The following TENM3 variants were observed in gnomAD, a reference collection of about 807,000 sequenced individuals.
TENM3 encodes teneurin-3.
A neutral mutation model predicts 255.1 loss-of-function variants in TENM3; 63 were observed. That is an observed-to-expected ratio of 0.25 (90% confidence interval 0.20 to 0.30). TENM3 has a LOEUF of 0.30. TENM3 is among the 10% of genes least tolerant of loss of function. TENM3 has a pLI of 1.00. For synonymous variants in TENM3, 1,306 were observed against 1,322.3 expected (o/e 0.99, Z 0.27); for missense variants, 2,929 against 3,461.1 (o/e 0.85, Z 3.86).
intron 16 of TENM3, among the ~76,000 whole-genome samples, chr4:182,733,266 C>G (rs1160647720): frequency 1.3e-5 from 2 of 152,158 alleles, no homozygotes; most frequent in Non-Finnish European, 2.9e-5. Context: ...GGACAGCAGG[C>G]ACAGCTGGAG....
At chr4:181,964,698 A>G in the TENM3 span, among the ~76,000 whole-genome samples, 1 of 152,172 alleles carries the variant, frequency 6.6e-6, no homozygotes, top group Non-Finnish European at 1.5e-5. Context: ...GCACTGCTGA[A>G]TATCATCAAC....
chr4:182,728,517 C>T (rs1294777081), intron 13 of TENM3, among the ~76,000 whole-genome samples: 2 of 152,182 alleles, frequency 1.3e-5, no homozygotes, highest in South Asian at 4.1e-4. Context: ...TTATGTGTCA[C>T]ATACTGATGG....
chr4:181,782,357 A>G, the TENM3 span, among the ~76,000 whole-genome samples: 3 of 152,082 alleles, frequency 2.0e-5, no homozygotes, highest in Non-Finnish European at 4.4e-5. Flanking sequence ...GGGAGGGTGT[A>G]TGTGTCCAGG....
chr4:182,428,761 A>T (rs886662923), intron 3 of TENM3, among the ~76,000 whole-genome samples: 1 of 152,182 alleles, frequency 6.6e-6, no homozygotes, highest in African/African-American at 2.4e-5. Context: ...TTATTTTGTT[A>T]AAATTTCCTA....
intron 13 of TENM3, among the ~76,000 whole-genome samples, chr4:182,718,154 T>C (rs1334268073): frequency 6.6e-6 from 1 of 152,084 alleles, no homozygotes; most frequent in Non-Finnish European, 1.5e-5. Context: ...TGTGAGACGT[T>C]CAACTCAAAC....
At chr4:182,007,940 A>T in the TENM3 span, among the ~76,000 whole-genome samples, 1 of 152,112 alleles carries the variant, frequency 6.6e-6, no homozygotes, top group Admixed American at 6.5e-5. Context: ...ATCCCCCAGC[A>T]TTTGCCTGTC....
At chr4:182,250,517 T>C (rs942599767) in intron 1 of TENM3, among the ~76,000 whole-genome samples, 18 of 152,214 alleles carry the variant, frequency 1.2e-4, no homozygotes, top group Admixed American at 6.5e-5. Context: ...ATTTTGAATG[T>C]AGGTTTTCCT....
intron 1 of TENM3, among the ~76,000 whole-genome samples, chr4:182,288,199 G>C (rs532304702): frequency 6.6e-6 from 1 of 152,226 alleles, no homozygotes; most frequent in South Asian, 2.1e-4. Flanking sequence ...GCCTCCCAAA[G>C]TACTGGGATT....
chr4:182,742,444 A>C (rs949037782), intron 18 of TENM3, among the ~76,000 whole-genome samples: 1 of 152,238 alleles, frequency 6.6e-6, no homozygotes, highest in East Asian at 1.9e-4. Context: ...ATGTATATGC[A>C]TTCTCCTATT....
chr4:182,270,905 C>G (rs1396795244), intron 1 of TENM3, among the ~76,000 whole-genome samples: 1 of 152,012 alleles, frequency 6.6e-6, no homozygotes, highest in African/African-American at 2.4e-5. Context: ...ATCGCATTAT[C>G]CCTACATTCA....
the TENM3 span, among the ~76,000 whole-genome samples, chr4:181,458,306 GT>G: frequency 6.6e-6 from 1 of 151,830 alleles, no homozygotes; most frequent in Non-Finnish European, 1.5e-5. Flanking sequence ...TTTGAGTGAG[GT>G]TTTTTGCTTT....
intron 3 of TENM3, among the ~76,000 whole-genome samples, chr4:182,505,414 A>T (rs1736712509): frequency 6.6e-6 from 1 of 151,878 alleles, no homozygotes; most frequent in East Asian, 1.9e-4. Context: ...TTTTTTAAAG[A>T]TTTCTTTATT....
upstream of TENM3, among the ~76,000 whole-genome samples, chr4:182,139,620 G>A (rs1344486729): frequency 6.6e-6 from 1 of 152,202 alleles, no homozygotes; most frequent in Non-Finnish European, 1.5e-5. Context: ...TCTTAAAAAG[G>A]TTCCAACTTT....
intron 11 of TENM3, among the ~76,000 whole-genome samples, chr4:182,685,538 T>A (rs1756506772): frequency 6.6e-6 from 1 of 152,166 alleles, no homozygotes; most frequent in Admixed American, 6.5e-5. Flanking sequence ...TGTAATTACA[T>A]ATAATTTACA....
In TENM3 at chr4:182,799,996, C is replaced by G; in HGVS notation, c.7745C>G (p.Ser2582Cys). ...ENGINVTVSQ[S>C]TTVVNGRTRR... ...GGCATCAACGTGACGGTGTCGCAGT[C>G]CACCACGGTGGTGAACGGCAGGACG... Residue 2582 changes from serine (S) to cysteine (C), a missense_variant, in exon 28 of 28, where the codon TCC becomes TGC. This residue lies in a region of TENM3 where 476 missense variants were observed against 480.1 expected (regional missense o/e 0.99). Coordinates refer to ENST00000511685, the MANE Select transcript of TENM3 (RefSeq NM_001080477.4). This position sits in a 1 kb window ranked among gnomAD's most constrained non-coding sequence, Gnocchi z 4.2. 1 of 1,593,108 alleles carries G rather than the reference C, an allele frequency of 6.3e-7. No homozygotes were observed. The highest frequency in any genetic ancestry group is 8.5e-7 in the Non-Finnish European group (1 of 1,170,670).
the TENM3 span, among the ~76,000 whole-genome samples, chr4:181,968,371 G>A: frequency 1.2e-4 from 18 of 152,186 alleles, no homozygotes; most frequent in Non-Finnish European, 1.6e-4. Flanking sequence ...CATTCGGGCC[G>A]CGGTTGTCAC....
At chr4:182,780,570 TAG>T (rs1765088784) in intron 24 of TENM3, among the ~76,000 whole-genome samples, 1 of 126,938 alleles carries the variant, frequency 7.9e-6, no homozygotes, top group East Asian at 2.2e-4. Context: ...AACTTTAAAG[TAG>T]TTTTTTCCAA....
At chr4:182,470,217 T>A (rs1002575484) in intron 3 of TENM3, among the ~76,000 whole-genome samples, 3 of 152,198 alleles carry the variant, frequency 2.0e-5, no homozygotes, top group Non-Finnish European at 4.4e-5. Flanking sequence ...AAGTGTTCTG[T>A]TGTAAATGTG....
At chr4:182,250,219 C>CT (rs369061234) in intron 1 of TENM3, among the ~76,000 whole-genome samples, 1,557 of 151,458 alleles carry the variant, frequency 0.01, 27 homozygotes, top group African/African-American at 0.036. Context: ...CGCCCGGCTA[C>CT]TTTTTTGTAT....
Sources: gnomAD v4.1 joint callset for allele counts (sites outside exome capture counted in the v4.1 genomes callset) on GRCh38, gnomAD v4.1.1 for gene constraint, gnomAD v4.1.1 regional missense constraint, Gnocchi (gnomAD v3.1) non-coding constraint, MANE v1.5 for transcripts, NCBI Gene and HGNC (gene_info 2026-07-23, HGNC 2026-07-21) for gene names.